Variants in GLP2R observed in about 807,000 individuals in gnomAD.
The protein encoded by GLP2R is glucagon-like peptide 2 receptor.
A neutral mutation model predicts 68.2 loss-of-function variants in GLP2R; 59 were observed. That is an observed-to-expected ratio of 0.87 (90% CI 0.70 to 1.07). The LOEUF (loss-of-function observed/expected upper bound fraction) is 1.07, where lower values mean the gene tolerates loss of function less well. Ranked by LOEUF, GLP2R falls within the 50% of genes least tolerant of loss-of-function variation. GLP2R has a pLI of 0.00. For missense variants in GLP2R, 548 were observed against 677.4 expected (o/e 0.81, Z 2.12); for synonymous variants, 270 against 265.4 (o/e 1.02, Z -0.17).
chr17:9,868,294 G>A (rs976759940), intron 9 of GLP2R, among the ~76,000 whole-genome samples: 4 of 152,100 alleles, frequency 2.6e-5, no homozygotes, highest in African/African-American at 9.7e-5. Context: ...AGAGGAGGAG[G>A]GGTTTGGCGG....
intron 3 of GLP2R, among the ~76,000 whole-genome samples, chr17:9,841,476 G>C (rs1283592140): frequency 6.6e-6 from 1 of 152,106 alleles, no homozygotes; most frequent in African/African-American, 2.4e-5. Context: ...GTCAGATTCT[G>C]GGTACAGATG....
At chr17:9,877,059 T>C (rs9899452) in intron 10 of GLP2R, among the ~76,000 whole-genome samples, 2,711 of 152,340 alleles carry the variant, frequency 0.018, 86 homozygotes, top group African/African-American at 0.06. Context: ...GTCATAGCAC[T>C]AATAATTGGC....
Position 9,862,074 on chromosome 17 carries a change from T to C in GLP2R, c.1040T>C (p.Met347Thr), listed in dbSNP as rs776273872. The C allele has an allele frequency of 3.0e-5, 48 of 1,612,802 alleles. No individual in the cohort carries two copies. The South Asian group carries it at 4.6e-4, about 16-fold the overall frequency. Residue 347 changes from methionine (M) to threonine (T), a missense_variant, in exon 9 of 13, where the codon ATG (methionine) becomes ACG (threonine). By Grantham distance (81) the Met-to-Thr change is moderately conservative. Coordinates refer to ENST00000262441, the MANE Select transcript of GLP2R (RefSeq NM_004246.3). The stretch of plus-strand genomic sequence containing the variant: ...ATCTGGTGGATCATCCGAGGACCCA[T>C]GATGCTCTGTGTAACAGTAAGGACC... ...KKIWWIIRGP[M>T]MLCVTVNFFI...
Position 9,889,901 on chromosome 17 carries a change from C to A in GLP2R, c.*196C>A. 1 of 646,452 alleles carries A rather than the reference C, an allele frequency of 1.5e-6. No individual in the cohort carries two copies. The allele number at this position is 646,452 out of a possible 1,614,324, so 40.0% of individuals were successfully genotyped here. On this transcript the variant is annotated 3_prime_UTR_variant, in exon 13 of 13. Coordinates refer to ENST00000262441, the MANE Select transcript of GLP2R (RefSeq NM_004246.3). ...CTGTGTGTCATGCTCACAGCCTCTG[C>A]CTGCTCTTCTCATCCTAATAACCCC...
chr17:9,841,838 T>G (rs1257560630), intron 3 of GLP2R, among the ~76,000 whole-genome samples: 1 of 152,192 alleles, frequency 6.6e-6, no homozygotes, highest in African/African-American at 2.4e-5. Flanking sequence ...GTTTGCAAGC[T>G]CAGCCTCTAA....
At chr17:9,873,461 G>T (rs910223163) in intron 10 of GLP2R, among the ~76,000 whole-genome samples, 3 of 151,556 alleles carry the variant, frequency 2.0e-5, no homozygotes, top group Admixed American at 2.0e-4. Flanking sequence ...ATAAATGCGG[G>T]ATAGAACCTC....
chr17:9,843,344 C>T (rs2066806252), intron 4 of GLP2R, among the ~76,000 whole-genome samples: 1 of 152,220 alleles, frequency 6.6e-6, no homozygotes, highest in African/African-American at 2.4e-5. Context: ...CGGCTGTGAA[C>T]CTGGTGCAAG....
chr17:9,878,333 C>G (rs2067160012), intron 10 of GLP2R, among the ~76,000 whole-genome samples: 1 of 152,144 alleles, frequency 6.6e-6, no homozygotes, highest in African/African-American at 2.4e-5. Context: ...AAAGATGACT[C>G]CAATAACAAA....
intron 10 of GLP2R, among the ~76,000 whole-genome samples, chr17:9,871,744 G>C (rs1484762325): frequency 3.5e-5 from 1 of 28,320 alleles, no homozygotes; most frequent in African/African-American, 1.0e-4. Flanking sequence ...TTTTTTTTTT[G>C]ACAGAGTCTT....
chr17:9,842,598 C>T lies in GLP2R; in HGVS notation c.486C>T (p.Asn162=), dbSNP rs1208031474. The T allele has an allele frequency of 1.2e-6, 2 of 1,613,800 alleles. No homozygotes were observed. The highest frequency in any genetic ancestry group is 2.2e-5 in the South Asian group (2 of 91,070). The part of the protein sequence containing the change: ...IWQDDSECSE[N]HSFKQNVDRY... ...AGGATGACTCCGAATGCTCCGAGAA[C>T]CACAGCTTCAAGCAAAACGTGAGTT... is the stretch of plus-strand genomic sequence containing the variant. The change falls in exon 4 of 13, where the codon AAC becomes AAT. Residue 162 remains asparagine, a synonymous_variant. Coordinates refer to ENST00000262441, the MANE Select transcript of GLP2R (RefSeq NM_004246.3).
intron 4 of GLP2R, among the ~76,000 whole-genome samples, chr17:9,846,989 C>G (rs1035356194): frequency 5.3e-5 from 8 of 152,234 alleles, no homozygotes; most frequent in African/African-American, 1.9e-4. Context: ...CTCCCTGCTT[C>G]CACTCCTGAA....
intron 3 of GLP2R, among the ~76,000 whole-genome samples, chr17:9,837,283 C>A (rs1372517876): frequency 6.6e-6 from 1 of 152,196 alleles, no homozygotes; most frequent in Non-Finnish European, 1.5e-5. Context: ...CCCTTCCCAG[C>A]CTCTGGCAAC....
intron 4 of GLP2R, among the ~76,000 whole-genome samples, chr17:9,849,266 C>G (rs1345327261): frequency 6.6e-6 from 1 of 151,996 alleles, no homozygotes; most frequent in African/African-American, 2.4e-5. Context: ...CATTTGCTTT[C>G]TCTCTGTTTC....
At chr17:9,880,647 G>A in intron 11 of GLP2R, 131 bp downstream of exon 11, 1 of 596,544 alleles carries the variant, frequency 1.7e-6, no homozygotes, top group Admixed American at 3.2e-5. Flanking sequence ...TATCAGTAAG[G>A]GCCCTTGGCA....
At position 9,848,319 on chromosome 17, in the gene GLP2R, C is replaced by T. The variant is rs561435682; in HGVS notation, c.504+5703C>T. On this transcript the variant is annotated intron_variant, in intron 4 of 12. Transcript: ENST00000262441. Reference sequence around the variant, plus strand: ...AGTCACAGTTATATTTGACTATCACCCCCAAACCTCTGACCTAGTACTGAG... The same window carrying T: ...AGTCACAGTTATATTTGACTATCACTCCCAAACCTCTGACCTAGTACTGAG... 2.4e-4 allele frequency among the ~76,000 whole-genome samples: 37 copies of T among 152,296 alleles called. No individual in the cohort carries two copies. The South Asian group carries it at 3.7e-3, about 15-fold the overall frequency.
intron 1 of GLP2R, among the ~76,000 whole-genome samples, chr17:9,829,501 A>G (rs995874638): frequency 6.6e-6 from 1 of 152,204 alleles, no homozygotes; most frequent in Non-Finnish European, 1.5e-5. Context: ...CAAACATCTT[A>G]AAACAACATA....
In GLP2R at chr17:9,889,670, A is replaced by G; in HGVS notation, c.1627A>G (p.Thr543Ala). The G allele has an allele frequency of 6.3e-7, 1 of 1,594,342 alleles. No homozygotes were observed. The highest frequency in any genetic ancestry group is 8.6e-7 in the Non-Finnish European group (1 of 1,167,462). Residue 543 changes from threonine (T) to alanine (A), a missense_variant, in exon 13 of 13, where the codon ACC becomes GCC. Physicochemically the swap from Thr to Ala is moderately conservative, Grantham distance 58 (BLOSUM62 0). Coordinates refer to ENST00000262441, the MANE Select transcript of GLP2R (RefSeq NM_004246.3). ...CSEGDVTMAN[T>A]MEEILEESEI ...TGAGGGGGATGTCACCATGGCCAACACCATGGAGGAGATTCTGGAAGAGAG... is the reference window on the plus strand; with the variant it reads ...TGAGGGGGATGTCACCATGGCCAACGCCATGGAGGAGATTCTGGAAGAGAG...
At chr17:9,884,674 T>C (rs1306972633) in intron 11 of GLP2R, among the ~76,000 whole-genome samples, 2 of 150,330 alleles carry the variant, frequency 1.3e-5, no homozygotes, top group African/African-American at 2.5e-5. Context: ...GTATGAGCAG[T>C]TGGACAATAT....
At position 9,891,190 on chromosome 17, in the gene GLP2R, T is replaced by C. The variant is rs1312205692; in HGVS notation, c.*1485T>C. ...CAAATAGTCTTCTTGTATAAGTATATCCCATGGGCATATTTAATCTGAGAT... is the reference window on the plus strand; with the variant it reads ...CAAATAGTCTTCTTGTATAAGTATACCCCATGGGCATATTTAATCTGAGAT... On this transcript the variant is annotated 3_prime_UTR_variant, in exon 13 of 13. Coordinates refer to ENST00000262441, the MANE Select transcript of GLP2R (RefSeq NM_004246.3). The C allele has an allele frequency of 6.6e-6, 1 of 152,166 alleles. No individual in the cohort carries two copies. Among genetic ancestry groups the C allele is most frequent in the African/African-American group, 2.4e-5 (1 of 41,438 alleles). The allele number at this position is 152,166 out of a possible 1,614,324, so 9.4% of individuals were successfully genotyped here. A position where few individuals can be genotyped will look rare whatever the true frequency, so the allele number is the denominator to read the frequency against.
Sources: allele counts gnomAD v4.1 joint callset (sites outside exome capture counted in the v4.1 genomes callset), GRCh38; gene constraint gnomAD v4.1.1; transcripts MANE v1.5; gene names NCBI Gene and HGNC (gene_info 2026-07-23, HGNC 2026-07-21).